STK3: variants seen among roughly 807,000 people sequenced by gnomAD.
The protein encoded by STK3 is serine/threonine kinase 3, also known as serine/threonine-protein kinase 3.
In STK3, 41 loss-of-function variants were observed where a neutral mutation model predicts 58.0. That is an observed-to-expected ratio of 0.71 (90% CI 0.55 to 0.92). The LOEUF (loss-of-function observed/expected upper bound fraction) is 0.92. Ranked by LOEUF, STK3 falls within the 40% of genes least tolerant of loss-of-function variation. The probability of loss-of-function intolerance (pLI) is 0.00; values close to 1 mark genes in which losing one functional copy is unlikely to be tolerated. For synonymous variants in STK3, 170 were observed against 191.0 expected, an observed-to-expected ratio of 0.89 and a Z score of 0.91; for missense variants, 479 against 602.7, an observed-to-expected ratio of 0.79 and a Z score of 2.15.
intron 6 of STK3, among the ~76,000 whole-genome samples, chr8:98,647,852 C>A: frequency 6.6e-6 from 1 of 152,142 alleles, no homozygotes. Flanking sequence ...TTGTTAATAA[C>A]CCTTAATAAA....
intron 1 of STK3, among the ~76,000 whole-genome samples, chr8:98,383,152 C>T (rs1055566036): frequency 6.6e-6 from 1 of 152,194 alleles, no homozygotes; most frequent in Non-Finnish European, 1.5e-5. Context: ...ACAGCAATAA[C>T]TGCCATTTGC....
At chr8:98,785,511 T>C (rs1219462850) in intron 1 of STK3, among the ~76,000 whole-genome samples, 1 of 152,154 alleles carries the variant, frequency 6.6e-6, no homozygotes, top group Non-Finnish European at 1.5e-5. Context: ...CTGGAGGGTC[T>C]GGCGGTGAGC....
At chr8:98,365,793 A>G in the STK3 span, among the ~76,000 whole-genome samples, 4 of 152,324 alleles carry the variant, frequency 2.6e-5, no homozygotes, top group East Asian at 7.7e-4. Context: ...TATACATAAT[A>G]TTCTGCAACT....
intron 9 of STK3, among the ~76,000 whole-genome samples, chr8:98,529,520 C>T (rs1586788614): frequency 6.6e-6 from 1 of 152,102 alleles, no homozygotes; most frequent in South Asian, 2.1e-4. Context: ...ATTGACTTCA[C>T]CTTATGTGTT....
downstream of STK3, among the ~76,000 whole-genome samples, chr8:98,453,628 A>G (rs537321425): frequency 2.0e-5 from 3 of 152,364 alleles, no homozygotes; most frequent in East Asian, 1.9e-4. Flanking sequence ...CTAACTGCAG[A>G]AAATTGCAAT....
intron 7 of STK3, among the ~76,000 whole-genome samples, chr8:98,589,302 G>T (rs1313469488): frequency 6.6e-6 from 1 of 152,208 alleles, no homozygotes; most frequent in Non-Finnish European, 1.5e-5. Context: ...CTGTTTGTTA[G>T]TTTTCCTTCT....
chr8:98,526,970 T>C (rs1825790445), intron 9 of STK3, 53 bp from the exon 10 acceptor site: 3 of 1,343,680 alleles, frequency 2.2e-6, no homozygotes, highest in Non-Finnish European at 2.9e-6. Flanking sequence ...TTTAAGGAAG[T>C]ATTTTCTTTG....
chr8:98,452,976 G>C (rs1397334705), downstream of STK3, among the ~76,000 whole-genome samples: 2 of 115,574 alleles, frequency 1.7e-5, no homozygotes, highest in African/African-American at 6.8e-5. Flanking sequence ...GGTCAGGCTG[G>C]TCTTGAACTC....
chr8:98,456,134 A>T, intron 10 of STK3, 134 bp from the exon 11 acceptor site: 1 of 930,222 alleles, frequency 1.1e-6, no homozygotes, highest in Non-Finnish European at 1.6e-6. Context: ...TCATCTTTGA[A>T]GTATAGTTCA....
At chr8:98,786,385 A>C (rs748621913) in intron 1 of STK3, among the ~76,000 whole-genome samples, 5 of 152,152 alleles carry the variant, frequency 3.3e-5, no homozygotes, top group Non-Finnish European at 5.9e-5. Context: ...TGTCTTTCCA[A>C]AGAAATTTAA....
At chr8:98,716,805 T>A (rs961900548) in intron 4 of STK3, among the ~76,000 whole-genome samples, 10 of 152,164 alleles carry the variant, frequency 6.6e-5, no homozygotes, top group Non-Finnish European at 1.5e-4. Flanking sequence ...AACAATGTGA[T>A]ATTGGCATAA....
At chr8:98,897,012 AAAG>A (rs1200378782) in intron 1 of STK3, among the ~76,000 whole-genome samples, 1 of 138,798 alleles carries the variant, frequency 7.2e-6, no homozygotes, top group Non-Finnish European at 1.6e-5. Context: ...AAATAAAAGA[AAAG>A]AAAGAGAAAG....
intron 6 of STK3, among the ~76,000 whole-genome samples, chr8:98,694,322 G>C (rs1040028009): frequency 6.6e-6 from 1 of 152,108 alleles, no homozygotes; most frequent in Non-Finnish European, 1.5e-5. Context: ...TAAGGACACA[G>C]AGATAGAGAC....
Position 98,655,891 on chromosome 8 carries a change from A to C in STK3, c.684+50576T>G, listed in dbSNP as rs188028474. Among the ~76,000 whole-genome samples, 1,034 of 152,292 alleles carry C rather than the reference A, an allele frequency of 6.8e-3. 8 individuals carry two copies. The highest frequency in any genetic ancestry group is 0.023 in the African/African-American group (970 of 41,578). On this transcript the variant is annotated intron_variant, in intron 6 of 10. Transcript: ENST00000419617. Reference sequence around the variant, plus strand: ...GAACACTTTTGCACTGTTGGTGGGAATGTAAATGAGTTCAACCATTGTGGA... The same window carrying C: ...GAACACTTTTGCACTGTTGGTGGGACTGTAAATGAGTTCAACCATTGTGGA...
At chr8:98,588,885 C>T (rs1331921436) in intron 7 of STK3, among the ~76,000 whole-genome samples, 7 of 150,824 alleles carry the variant, frequency 4.6e-5, no homozygotes, top group African/African-American at 7.3e-5. Flanking sequence ...TCCAGTTGAT[C>T]GCATCGGCTC....
intron 3 of STK3, among the ~76,000 whole-genome samples, chr8:98,756,410 T>A (rs1830290330): frequency 6.6e-6 from 1 of 152,016 alleles, no homozygotes; most frequent in Non-Finnish European, 1.5e-5. Context: ...AAGGATACAG[T>A]AGAACATAAT....
At chr8:98,650,829 C>T (rs1820847881) in intron 6 of STK3, among the ~76,000 whole-genome samples, 1 of 152,228 alleles carries the variant, frequency 6.6e-6, no homozygotes, top group South Asian at 2.1e-4. Flanking sequence ...GTAAACAAAG[C>T]AGCCAGGAAG....
chr8:98,774,607 C>G (rs1171228034), intron 2 of STK3, 132 bp downstream of exon 2: 5 of 571,436 alleles, frequency 8.7e-6, no homozygotes, highest in Non-Finnish European at 1.4e-5. Flanking sequence ...TTCAGTATCA[C>G]CTGCCAAGTT....
At chr8:98,861,052 T>C (rs763781523) in intron 3 of STK3, among the ~76,000 whole-genome samples, 32 of 151,902 alleles carry the variant, frequency 2.1e-4, no homozygotes, top group Non-Finnish European at 4.6e-4. Flanking sequence ...AGAGCAAGAC[T>C]CTATCCCAAA....
Sources: gnomAD v4.1 joint callset for allele counts (sites outside exome capture counted in the v4.1 genomes callset) on GRCh38, gnomAD v4.1.1 for gene constraint, MANE v1.5 for transcripts, NCBI Gene and HGNC (gene_info 2026-07-23, HGNC 2026-07-21) for gene names.